TAFA4: variants seen among roughly 807,000 people sequenced by gnomAD.
TAFA4 encodes the protein chemokine-like protein TAFA-4.
TAFA4 carries 20 observed loss-of-function variants against 21.1 expected under a neutral mutation model. The ratio of observed to expected loss-of-function variants is 0.95; its 90% CI spans 0.67 to 1.38. The LOEUF (loss-of-function observed/expected upper bound fraction) is 1.38, where lower values mean the gene tolerates loss of function less well. Ranked by LOEUF, TAFA4 falls within the 40% of genes most tolerant of loss-of-function variation. The pLI is 0.00. For synonymous variants in TAFA4, 71 were observed against 67.4 expected, an observed-to-expected ratio of 1.05 and a Z score of -0.26; for missense variants, 211 against 180.9, an observed-to-expected ratio of 1.17 and a Z score of -0.95.
chr3:68,815,037 A>T (rs905362357), intron 3 of TAFA4, among the ~76,000 whole-genome samples: 2 of 152,226 alleles, frequency 1.3e-5, no homozygotes, highest in Admixed American at 1.3e-4. Context: ...GATCTTTGAC[A>T]AACCTGACAA....
At chr3:68,844,584 T>C (rs1263112623) in intron 3 of TAFA4, among the ~76,000 whole-genome samples, 1 of 152,212 alleles carries the variant, frequency 6.6e-6, no homozygotes, top group Non-Finnish European at 1.5e-5. Context: ...TTGCTCTCGC[T>C]TCTCTAGTTC....
At chr3:68,764,806 A>G (rs1394975613) in intron 3 of TAFA4, among the ~76,000 whole-genome samples, 1 of 152,144 alleles carries the variant, frequency 6.6e-6, no homozygotes, top group Non-Finnish European at 1.5e-5. Flanking sequence ...GTCCATCACA[A>G]TGAGTACCTT....
intron 1 of TAFA4, among the ~76,000 whole-genome samples, chr3:68,920,499 ATGTT>A (rs879771682): frequency 6.6e-6 from 1 of 152,192 alleles, no homozygotes; most frequent in Non-Finnish European, 1.5e-5. Context: ...CTTCCTGCTC[ATGTT>A]TGGATTTCTT....
At chr3:68,777,850 C>G (rs1437826838) in intron 3 of TAFA4, among the ~76,000 whole-genome samples, 1 of 152,106 alleles carries the variant, frequency 6.6e-6, no homozygotes, top group Non-Finnish European at 1.5e-5. Context: ...GTAATCAGTA[C>G]CATAACATGC....
intron 1 of TAFA4, among the ~76,000 whole-genome samples, chr3:68,928,743 C>G (rs911856299): frequency 5.3e-5 from 8 of 152,068 alleles, no homozygotes; most frequent in Admixed American, 3.3e-4. Context: ...GCAGAGACAG[C>G]CAAGGGAAGG....
In TAFA4 at chr3:68,812,270, C is replaced by A. The variant is rs569958212; in HGVS notation, c.131-59252G>T. On this transcript the variant is annotated intron_variant, in intron 3 of 5. Coordinates refer to ENST00000295569, the MANE Select transcript of TAFA4 (RefSeq NM_182522.5). The stretch of plus-strand genomic sequence containing the variant: ...GCAAGGAAGAAACTGCATCAACTAA[C>A]GAGCAAAATAACCAGCTAACATCAA... 1.7e-4 allele frequency among the ~76,000 whole-genome samples: 26 copies of A among 152,222 alleles called. 1 individual carries two copies. The East Asian group carries it at 5.0e-3, about 29-fold the overall frequency.
intron 4 of TAFA4, among the ~76,000 whole-genome samples, chr3:68,740,659 T>C (rs1383441515): frequency 6.6e-6 from 1 of 152,316 alleles, no homozygotes. Context: ...TCATTTGATG[T>C]AGTCCCAATT....
intron 1 of TAFA4, among the ~76,000 whole-genome samples, chr3:68,917,678 C>G (rs1004897591): frequency 1.4e-5 from 2 of 145,904 alleles, no homozygotes; most frequent in Non-Finnish European, 3.0e-5. Flanking sequence ...CACTTGAACT[C>G]GAGAGGCAGA....
intron 3 of TAFA4, among the ~76,000 whole-genome samples, chr3:68,850,796 G>A (rs971273723): frequency 1.3e-5 from 2 of 151,664 alleles, no homozygotes; most frequent in African/African-American, 2.4e-5. Context: ...TTTGACAGAT[G>A]GACAGACTGC....
At chr3:68,853,478 C>G (rs747077436) in intron 3 of TAFA4, among the ~76,000 whole-genome samples, 3 of 152,112 alleles carry the variant, frequency 2.0e-5, no homozygotes, top group Admixed American at 1.3e-4. Flanking sequence ...AAAACCCAGG[C>G]AAGTCCCATG....
chr3:68,875,232 T>G (rs961948249), intron 3 of TAFA4, among the ~76,000 whole-genome samples: 4 of 152,024 alleles, frequency 2.6e-5, no homozygotes, highest in Non-Finnish European at 5.9e-5. Flanking sequence ...CTTCCAGTTT[T>G]TTTTTTTTTT....
intron 3 of TAFA4, among the ~76,000 whole-genome samples, chr3:68,759,896 T>C (rs1159934664): frequency 6.6e-6 from 1 of 152,154 alleles, no homozygotes; most frequent in Non-Finnish European, 1.5e-5. Context: ...GGGGGGTAGA[T>C]GGGTAGGTAC....
At chr3:68,762,498 C>T (rs941648914) in intron 3 of TAFA4, among the ~76,000 whole-genome samples, 2 of 152,124 alleles carry the variant, frequency 1.3e-5, no homozygotes. Flanking sequence ...TTTATAGGAG[C>T]ATAGATGGCT....
intron 3 of TAFA4, among the ~76,000 whole-genome samples, chr3:68,755,651 G>A (rs1233902177): frequency 1.3e-5 from 2 of 152,142 alleles, no homozygotes; most frequent in East Asian, 1.9e-4. Flanking sequence ...CCAAAATTAG[G>A]TGGCTGTCAT....
chr3:68,739,841 A>G (rs1702316372), intron 4 of TAFA4, among the ~76,000 whole-genome samples: 1 of 152,188 alleles, frequency 6.6e-6, no homozygotes, highest in Non-Finnish European at 1.5e-5. Flanking sequence ...AGAGACATAG[A>G]GTCATGGAAC....
At chr3:68,808,319 A>T (rs563234363) in intron 3 of TAFA4, among the ~76,000 whole-genome samples, 1 of 152,278 alleles carries the variant, frequency 6.6e-6, no homozygotes, top group Admixed American at 6.5e-5. Context: ...AATTGAAAGC[A>T]TCCTTTGTCT....
At chr3:68,898,707 A>G (rs1372298839) in intron 1 of TAFA4, among the ~76,000 whole-genome samples, 1 of 152,228 alleles carries the variant, frequency 6.6e-6, no homozygotes, top group Admixed American at 6.5e-5. Flanking sequence ...GGACCAATCA[A>G]GCACTTTATC....
intron 3 of TAFA4, among the ~76,000 whole-genome samples, chr3:68,823,354 C>T (rs142477840): frequency 7.2e-5 from 11 of 152,334 alleles, no homozygotes; most frequent in Non-Finnish European, 1.6e-4. Context: ...CTTCATCTCA[C>T]ATCTCAGTTA....
In TAFA4 at chr3:68,797,409, C is replaced by T. The variant is rs149718151; in HGVS notation, c.131-44391G>A. Among the ~76,000 whole-genome samples, 262 of 151,978 alleles carry T rather than the reference C, an allele frequency of 1.7e-3. 1 individual carries two copies. The East Asian group carries it at 0.038, about 22-fold the overall frequency. ...TGGGTGGATCACGAGGTCAGGAGAA[C>T]GAGACCATCCTGGCTAACACGTTGA... On this transcript the variant is annotated intron_variant, in intron 3 of 5. Transcript: ENST00000295569.
Sources: gnomAD v4.1 joint callset for allele counts (sites outside exome capture counted in the v4.1 genomes callset) on GRCh38, gnomAD v4.1.1 for gene constraint, MANE v1.5 for transcripts, NCBI Gene and HGNC (gene_info 2026-07-23, HGNC 2026-07-21) for gene names.